MBNL1: variants seen among roughly 807,000 people sequenced by gnomAD.
MBNL1 encodes muscleblind like splicing regulator 1.
A neutral mutation model predicts 42.2 loss-of-function variants in MBNL1; 8 were observed. That is an observed-to-expected ratio of 0.19 (90% CI 0.11 to 0.34). The LOEUF (loss-of-function observed/expected upper bound fraction) is 0.34. MBNL1 is among the 10% of genes least tolerant of loss of function. The pLI is 1.00. For missense variants in MBNL1, 309 were observed against 495.3 expected, an observed-to-expected ratio of 0.62 and a Z score of 3.57; for synonymous variants, 169 against 173.9, an observed-to-expected ratio of 0.97 and a Z score of 0.22.
rs183147980 is a variant in MBNL1 at position 152,340,890 on chromosome 3, A to G, written c.174+40523A>G. 1.7e-5 allele frequency: 28 copies of G among 1,611,710 alleles called. No homozygotes were observed. The East Asian group carries it at 4.0e-4, about 23-fold the overall frequency. On this transcript the variant is annotated intron_variant, in intron 2 of 9. Transcript: ENST00000324210. ...GCCAGTATAAAGGCACCTGTGGGCCAGGGTCCATCTGCATTGTTCTCTTCT... is the reference window on the plus strand; with the variant it reads ...GCCAGTATAAAGGCACCTGTGGGCCGGGGTCCATCTGCATTGTTCTCTTCT...
At chr3:152,460,252 C>CAAAAAAAAAAA (rs35913796) in intron 9 of MBNL1, among the ~76,000 whole-genome samples, 1 of 133,570 alleles carries the variant, frequency 7.5e-6, no homozygotes. Flanking sequence ...AGACCTGTCT[C>CAAAAAAAAAAA]AAAAAAAAAA....
At chr3:152,456,511 A>G in intron 8 of MBNL1, 150 bp downstream of exon 8, 1 of 656,110 alleles carries the variant, frequency 1.5e-6, no homozygotes, top group Admixed American at 2.2e-5. Flanking sequence ...ATGGGGTTTC[A>G]AAGATACCTC....
intron 2 of MBNL1, chr3:152,396,215 C>A (rs1309150686): frequency 2.8e-6 from 1 of 353,300 alleles, no homozygotes; most frequent in Admixed American, 2.9e-5. Context: ...CCCACTGATT[C>A]TACATTATGG....
intron 9 of MBNL1, among the ~76,000 whole-genome samples, chr3:152,459,993 C>T (rs1240498240): frequency 6.6e-6 from 1 of 151,796 alleles, no homozygotes; most frequent in Non-Finnish European, 1.5e-5. Flanking sequence ...GTGGCTCACA[C>T]TTGTAATCCA....
intron 2 of MBNL1, among the ~76,000 whole-genome samples, chr3:152,399,933 C>T (rs374490765): frequency 3.9e-5 from 6 of 152,054 alleles, no homozygotes; most frequent in African/African-American, 9.7e-5. Context: ...TCCTTCAGTC[C>T]CTGGATTATT....
chr3:152,292,707 C>T (rs1458918613), intron 1 of MBNL1, among the ~76,000 whole-genome samples: 1 of 150,836 alleles, frequency 6.6e-6, no homozygotes, highest in Non-Finnish European at 1.5e-5. Context: ...TGTGTAGTCT[C>T]TTAGGTATAT....
intron 2 of MBNL1, among the ~76,000 whole-genome samples, chr3:152,371,021 T>G (rs983959529): frequency 9.9e-5 from 15 of 152,204 alleles, no homozygotes; most frequent in Admixed American, 7.2e-4. Context: ...TTGTTATGTG[T>G]GAGTTTGATC....
intron 2 of MBNL1, among the ~76,000 whole-genome samples, chr3:152,315,864 ACACTCTCT>A (rs1008614138): frequency 2.5e-5 from 3 of 118,690 alleles, no homozygotes; most frequent in African/African-American, 7.3e-5. Flanking sequence ...ACACACACAC[ACACTCTCT>A]CTCTCTCTCT....
rs1055683815 is a variant in MBNL1 at position 152,390,501 on chromosome 3, T to A, written c.175-24440T>A. On this transcript the variant is annotated intron_variant, in intron 2 of 9. Coordinates refer to ENST00000324210, the MANE Select transcript of MBNL1 (RefSeq NM_021038.5). ...CTGTTTTACAGTTAACTTTTTTTTT[T>A]TAATTATTAGAAAGAGTACATGCTA... 5.8e-4 allele frequency among the ~76,000 whole-genome samples: 89 copies of A among 152,178 alleles called. 1 individual carries two copies. In the Middle Eastern group the frequency reaches 0.01, roughly 17 times the overall value.
chr3:152,386,428 A>G (rs916009957), intron 2 of MBNL1, among the ~76,000 whole-genome samples: 2 of 152,106 alleles, frequency 1.3e-5, no homozygotes, highest in Non-Finnish European at 2.9e-5. Context: ...TTCTATGGCA[A>G]CAACTTTTAA....
intron 4 of MBNL1, 86 bp downstream of exon 4, chr3:152,433,006 A>G: frequency 5.6e-6 from 7 of 1,240,536 alleles, no homozygotes; most frequent in Non-Finnish European, 7.9e-6. Flanking sequence ...TTCCATGGCC[A>G]AAAAGTTGTA....
At chr3:152,333,483 A>G (rs759961305) in intron 2 of MBNL1, among the ~76,000 whole-genome samples, 1 of 152,196 alleles carries the variant, frequency 6.6e-6, no homozygotes, top group Non-Finnish European at 1.5e-5. Context: ...AAGAGTTCTA[A>G]CACTTCATCA....
chr3:152,243,790 A>C (rs2032241352), upstream of MBNL1: 2 of 152,100 alleles, frequency 1.3e-5, no homozygotes, highest in Admixed American at 1.3e-4. Flanking sequence ...TACTTAATCA[A>C]GTATAGGTTT....
intron 3 of MBNL1, among the ~76,000 whole-genome samples, chr3:152,421,333 A>G (rs1238023180): frequency 6.6e-6 from 1 of 152,194 alleles, no homozygotes; most frequent in South Asian, 2.1e-4. Context: ...TCCCCTGGAA[A>G]GGCGGCTGAA....
chr3:152,355,835 G>C (rs1307121781), intron 2 of MBNL1, among the ~76,000 whole-genome samples: 6 of 152,094 alleles, frequency 3.9e-5, no homozygotes, highest in Non-Finnish European at 8.8e-5. Flanking sequence ...GATTTCATCT[G>C]CTTCCACCAA....
intron 2 of MBNL1, among the ~76,000 whole-genome samples, chr3:152,362,069 T>A (rs2096005425): frequency 6.6e-6 from 1 of 152,234 alleles, no homozygotes; most frequent in Non-Finnish European, 1.5e-5. Context: ...AGATGTCATT[T>A]AGAGCATTTT....
At chr3:152,293,873 A>G (rs541002009) in intron 1 of MBNL1, among the ~76,000 whole-genome samples, 1 of 152,286 alleles carries the variant, frequency 6.6e-6, no homozygotes, top group South Asian at 2.1e-4. Context: ...CCAAAAGAGA[A>G]TTTCATTTTC....
chr3:152,254,411 C>G (rs1457749481), intron 2 of MBNL1, among the ~76,000 whole-genome samples: 4 of 152,084 alleles, frequency 2.6e-5, no homozygotes, highest in Non-Finnish European at 4.4e-5. Context: ...CCCTCACCCC[C>G]AAGAAAAGCA....
chr3:152,285,630 T>A (rs931268705), intron 1 of MBNL1, among the ~76,000 whole-genome samples: 85 of 52,658 alleles, frequency 1.6e-3, no homozygotes, highest in African/African-American at 5.1e-3. Flanking sequence ...TTTTTTTCAA[T>A]TTTTTTTTTT....
Sources: gnomAD v4.1 joint callset for allele counts (sites outside exome capture counted in the v4.1 genomes callset) on GRCh38, gnomAD v4.1.1 for gene constraint, MANE v1.5 for transcripts, NCBI Gene and HGNC (gene_info 2026-07-23, HGNC 2026-07-21) for gene names.